The following CSMD1 variants were observed in gnomAD, a reference collection of about 807,000 sequenced individuals.
CSMD1 encodes CUB and Sushi multiple domains 1, also known as CUB and sushi domain-containing protein 1.
In CSMD1, 213 loss-of-function variants were observed where a neutral mutation model predicts 417.5. The observed-to-expected ratio is 0.51, with a 90% CI of 0.46 to 0.57. The LOEUF (loss-of-function observed/expected upper bound fraction) is 0.57, where lower values mean the gene tolerates loss of function less well. CSMD1 is among the 20% of genes least tolerant of loss of function. The pLI, the probability that CSMD1 is intolerant of heterozygous loss-of-function variation, is 0.00. For synonymous variants in CSMD1, 2,862 were observed against 1,736.8 expected, an observed-to-expected ratio of 1.65 and a Z score of -16.11; for missense variants, 6,923 against 4,529.7, an observed-to-expected ratio of 1.53 and a Z score of -15.17.
At chr8:3,592,687 CACATCCG>C (rs1800905239) in intron 8 of CSMD1, among the ~76,000 whole-genome samples, 2 of 134,686 alleles carry the variant, frequency 1.5e-5, no homozygotes, top group African/African-American at 6.9e-5. Flanking sequence ...TGTGTGTGTG[CACATCCG>C]TGTGTGTGTG....
At chr8:4,673,145 G>C (rs1337649384) in intron 1 of CSMD1, among the ~76,000 whole-genome samples, 4 of 152,054 alleles carry the variant, frequency 2.6e-5, no homozygotes, top group African/African-American at 9.6e-5. Context: ...GGACATTGAG[G>C]GGAAAAAGGG....
chr8:4,077,883 T>C (rs888702612), intron 3 of CSMD1, among the ~76,000 whole-genome samples: 2 of 152,132 alleles, frequency 1.3e-5, no homozygotes, highest in African/African-American at 4.8e-5. Flanking sequence ...TTGTAATTGA[T>C]GCCCAATATA....
chr8:3,072,314 T>C (rs1813374226), intron 49 of CSMD1, among the ~76,000 whole-genome samples: 2 of 152,106 alleles, frequency 1.3e-5, no homozygotes, highest in African/African-American at 2.4e-5. Flanking sequence ...ATCAAACCAA[T>C]CCACAAAACA....
chr8:4,636,654 A>T (rs1195958511), intron 2 of CSMD1, among the ~76,000 whole-genome samples: 1 of 152,244 alleles, frequency 6.6e-6, no homozygotes, highest in Non-Finnish European at 1.5e-5. Flanking sequence ...TGTTTCACAG[A>T]TCTTGAACAA....
chr8:3,701,030 G>A (rs756924985), intron 7 of CSMD1, among the ~76,000 whole-genome samples: 7 of 151,836 alleles, frequency 4.6e-5, no homozygotes, highest in Non-Finnish European at 8.8e-5. Flanking sequence ...GGGATATGTC[G>A]GGGGGCAGTC....
intron 1 of CSMD1, among the ~76,000 whole-genome samples, chr8:4,751,132 C>A (rs560096578): frequency 1.3e-5 from 2 of 152,324 alleles, no homozygotes; most frequent in East Asian, 1.9e-4. Flanking sequence ...GGCCTGTAAT[C>A]CCAGCACTTT....
intron 52 of CSMD1, among the ~76,000 whole-genome samples, 186 bp downstream of exon 52, chr8:3,018,291 T>G (rs1412135761): frequency 6.6e-6 from 1 of 152,240 alleles, no homozygotes; most frequent in Non-Finnish European, 1.5e-5. Flanking sequence ...TGACTTTCAT[T>G]CATTGCTCGG....
intron 3 of CSMD1, among the ~76,000 whole-genome samples, chr8:4,108,957 T>A (rs1801712565): frequency 6.6e-6 from 1 of 152,204 alleles, no homozygotes; most frequent in Admixed American, 6.5e-5. Flanking sequence ...CATTTATGTA[T>A]AATTTAGAAA....
Position 3,597,965 on chromosome 8 carries a change from C to T in CSMD1, c.1098-11705G>A, listed in dbSNP as rs147165758. ...CAAACCTGCACGTTGTGCACATGTA[C>T]CCCAGAACTTAAGGTATATTAAAAA... On this transcript the variant is annotated intron_variant, in intron 8 of 69. Transcript: ENST00000635120. Among the ~76,000 whole-genome samples the T allele has an allele frequency of 5.2e-3, 794 of 152,240 alleles. 3 individuals carry two copies. Among genetic ancestry groups the T allele is most frequent in the African/African-American group, 0.018 (752 of 41,532 alleles).
intron 8 of CSMD1, among the ~76,000 whole-genome samples, chr8:3,590,052 A>G (rs2449183): frequency 0.53 from 80,609 of 151,856 alleles, 22,507 homozygotes; most frequent in Non-Finnish European, 0.62. Context: ...AGAATGCAAC[A>G]TCGCTTTATA....
chr8:4,329,350 G>A lies in CSMD1; in HGVS notation c.415+90603C>T, dbSNP rs1021098045. ...CTCACCCAGGCTGGAGTGCAGTGAT[G>A]CATTCTCAGCTCACTTTAACCTCTG... On this transcript the variant is annotated intron_variant, in intron 3 of 69. Coordinates refer to ENST00000635120, the MANE Select transcript of CSMD1 (RefSeq NM_033225.6). 3.9e-5 allele frequency among the ~76,000 whole-genome samples: 6 copies of A among 152,252 alleles called. No homozygotes were observed. The East Asian group carries it at 1.2e-3, about 29-fold the overall frequency.
intron 3 of CSMD1, among the ~76,000 whole-genome samples, chr8:4,394,714 C>A (rs776981990): frequency 6.6e-6 from 1 of 152,278 alleles, no homozygotes; most frequent in South Asian, 2.1e-4. Context: ...TTATCTGTTG[C>A]CCAGATCAAA....
chr8:4,480,515 G>A (rs988882826), intron 2 of CSMD1, among the ~76,000 whole-genome samples: 3 of 152,196 alleles, frequency 2.0e-5, no homozygotes, highest in Admixed American at 6.5e-5. Flanking sequence ...CTTGGTGGAC[G>A]GAAATTTCTC....
chr8:3,823,816 G>A (rs920187741), intron 5 of CSMD1, among the ~76,000 whole-genome samples: 2 of 151,960 alleles, frequency 1.3e-5, no homozygotes, highest in African/African-American at 4.8e-5. Context: ...AAAATGACTT[G>A]ATCATAAAGA....
chr8:3,878,920 G>A lies in CSMD1; in HGVS notation c.818+118983C>T, dbSNP rs561138673. Among the ~76,000 whole-genome samples, 13 of 152,220 alleles carry A rather than the reference G, an allele frequency of 8.5e-5. No individual in the cohort carries two copies. In the South Asian group the frequency reaches 2.3e-3, roughly 27 times the overall value. On this transcript the variant is annotated intron_variant, in intron 5 of 69. Coordinates refer to ENST00000635120, the MANE Select transcript of CSMD1 (RefSeq NM_033225.6). Reference sequence around the variant, plus strand: ...CAAGTTATATGAAGTCTCAGAGAATGTACATGACAGAAAATAACTTTAATA... The same window carrying A: ...CAAGTTATATGAAGTCTCAGAGAATATACATGACAGAAAATAACTTTAATA...
intron 50 of CSMD1, among the ~76,000 whole-genome samples, chr8:3,045,910 G>C (rs1811402279): frequency 1.3e-5 from 2 of 152,168 alleles, no homozygotes; most frequent in African/African-American, 4.8e-5. Context: ...TTGGAAGCAA[G>C]AGTGGAAGAC....
At chr8:3,520,012 G>GTGTATACATATATATATATATATATA (rs1225105460) in intron 10 of CSMD1, among the ~76,000 whole-genome samples, 48 of 120,100 alleles carry the variant, frequency 4.0e-4, no homozygotes, top group South Asian at 2.4e-3. Context: ...GTGTGTGTGT[G>GTGTATACATATATATATATATATATA]TATATACCTA....
At chr8:3,379,280 C>G (rs1431717691) in intron 18 of CSMD1, among the ~76,000 whole-genome samples, 4 of 152,152 alleles carry the variant, frequency 2.6e-5, no homozygotes. Context: ...ATTCCATGCT[C>G]ATGGATAGGA....
chr8:3,436,959 A>G (rs939728358), intron 12 of CSMD1, among the ~76,000 whole-genome samples: 5 of 152,086 alleles, frequency 3.3e-5, no homozygotes, highest in African/African-American at 1.2e-4. Context: ...AAAAAAAGAG[A>G]GAAAAAAGCA....
Sources: gnomAD v4.1 joint callset for allele counts (sites outside exome capture counted in the v4.1 genomes callset) on GRCh38, gnomAD v4.1.1 for gene constraint, MANE v1.5 for transcripts, NCBI Gene and HGNC (gene_info 2026-07-23, HGNC 2026-07-21) for gene names.